CNTNAP5: variants seen among roughly 807,000 people sequenced by gnomAD.
The protein encoded by CNTNAP5 is contactin-associated protein-like 5.
In CNTNAP5, 72 loss-of-function variants were observed where a neutral mutation model predicts 150.2. The observed-to-expected ratio is 0.48, with a 90% CI of 0.40 to 0.58. CNTNAP5 has a LOEUF of 0.58. Ranked by LOEUF, CNTNAP5 falls within the 20% of genes least tolerant of loss-of-function variation. The pLI, the probability that CNTNAP5 is intolerant of heterozygous loss-of-function variation, is 0.00. For synonymous variants in CNTNAP5, 672 were observed against 619.8 expected, an observed-to-expected ratio of 1.08 and a Z score of -1.25; for missense variants, 1,636 against 1,626.2, an observed-to-expected ratio of 1.01 and a Z score of -0.10.
intron 3 of CNTNAP5, among the ~76,000 whole-genome samples, chr2:124,407,933 G>T (rs964413724): frequency 6.6e-6 from 1 of 152,268 alleles, no homozygotes; most frequent in African/African-American, 2.4e-5. Context: ...CGTGAGCGAC[G>T]CAGAAGATGG....
At chr2:124,817,526 T>A (rs940368498) in intron 19 of CNTNAP5, among the ~76,000 whole-genome samples, 1 of 152,206 alleles carries the variant, frequency 6.6e-6, no homozygotes, top group African/African-American at 2.4e-5. Context: ...TTGGTCTTGA[T>A]GATGTTTAAG....
intron 21 of CNTNAP5, among the ~76,000 whole-genome samples, chr2:124,896,146 G>A (rs1275164293): frequency 1.3e-5 from 2 of 151,586 alleles, no homozygotes; most frequent in East Asian, 3.9e-4. Flanking sequence ...AAATATTAAT[G>A]AAGTTCTAAT....
rs1311450943 is a variant in CNTNAP5 at position 124,803,192 on chromosome 2, C to T, written c.3217+4872C>T. On this transcript the variant is annotated intron_variant, in intron 19 of 23. Transcript: ENST00000682447. ...AATGTCATCGATGCTAGGTAGAAGT[C>T]TGTTCTAGGTAGAATGAGTTAAAGA... 2.0e-5 allele frequency among the ~76,000 whole-genome samples: 3 copies of T among 151,630 alleles called. No individual in the cohort carries two copies. The East Asian group carries it at 5.8e-4, about 30-fold the overall frequency.
chr2:124,118,176 G>A (rs1377667758), intron 1 of CNTNAP5, among the ~76,000 whole-genome samples: 2 of 151,842 alleles, frequency 1.3e-5, no homozygotes, highest in Non-Finnish European at 2.9e-5. Context: ...TAGAATATAT[G>A]TATATATCTT....
At chr2:124,532,572 C>G (rs2104896261) in intron 10 of CNTNAP5, among the ~76,000 whole-genome samples, 1 of 152,168 alleles carries the variant, frequency 6.6e-6, no homozygotes, top group Non-Finnish European at 1.5e-5. Flanking sequence ...AACAGGGATG[C>G]TGATGAGGAA....
intron 1 of CNTNAP5, among the ~76,000 whole-genome samples, chr2:124,119,836 G>A (rs537516854): frequency 3.3e-5 from 5 of 152,292 alleles, no homozygotes; most frequent in Middle Eastern, 3.4e-3. Flanking sequence ...TGAACAGAAA[G>A]GAAAGGAAGA....
chr2:124,688,510 A>G (rs1679237887), intron 13 of CNTNAP5, among the ~76,000 whole-genome samples: 1 of 152,156 alleles, frequency 6.6e-6, no homozygotes, highest in Non-Finnish European at 1.5e-5. Flanking sequence ...GGAGTGAGTC[A>G]GATAGAATGA....
At chr2:124,447,441 A>C (rs2968541) in intron 6 of CNTNAP5, among the ~76,000 whole-genome samples, 149,105 of 152,276 alleles carry the variant, frequency 0.98, 73,083 homozygotes, top group East Asian at 1. Flanking sequence ...CAGTGAAATG[A>C]ACCAGTTCAA....
intron 1 of CNTNAP5, among the ~76,000 whole-genome samples, chr2:124,194,412 AATAT>A (rs1326280575): frequency 0.076 from 530 of 7,000 alleles, 9 homozygotes; most frequent in African/African-American, 0.12. Context: ...TATATATATA[AATAT>A]AAATAGGTGT....
chr2:124,729,424 A>G (rs2105125338), intron 13 of CNTNAP5, among the ~76,000 whole-genome samples: 1 of 152,142 alleles, frequency 6.6e-6, no homozygotes, highest in East Asian at 1.9e-4. Context: ...TATCCTTGTC[A>G]TATGTTCAAT....
At chr2:124,912,568 A>G (rs960862132) in intron 23 of CNTNAP5, among the ~76,000 whole-genome samples, 1 of 152,120 alleles carries the variant, frequency 6.6e-6, no homozygotes. Flanking sequence ...GGAAGTTCCT[A>G]AAACTTCTGA....
chr2:124,165,639 G>A (rs1266296536), intron 1 of CNTNAP5, among the ~76,000 whole-genome samples: 1 of 152,108 alleles, frequency 6.6e-6, no homozygotes, highest in African/African-American at 2.4e-5. Context: ...TCACATCAAA[G>A]ACCAAGTTTC....
chr2:124,855,090 A>G (rs1007120633), intron 19 of CNTNAP5, among the ~76,000 whole-genome samples: 1 of 152,060 alleles, frequency 6.6e-6, no homozygotes, highest in African/African-American at 2.4e-5. Context: ...TAAAGTTGGA[A>G]AGGTAAGAAA....
chr2:124,904,536 A>G (rs945243831), intron 22 of CNTNAP5, among the ~76,000 whole-genome samples: 1 of 152,146 alleles, frequency 6.6e-6, no homozygotes, highest in Non-Finnish European at 1.5e-5. Context: ...AGACACATAG[A>G]CTAATAGAAT....
chr2:124,122,794 C>CACACA (rs1558764219), intron 1 of CNTNAP5, among the ~76,000 whole-genome samples: 252 of 128,976 alleles, frequency 2.0e-3, no homozygotes, highest in Non-Finnish European at 3.2e-3. Context: ...ACACACACAC[C>CACACA]CACACCTTTT....
At chr2:124,362,234 G>A (rs923769217) in intron 3 of CNTNAP5, among the ~76,000 whole-genome samples, 2 of 152,320 alleles carry the variant, frequency 1.3e-5, no homozygotes, top group Admixed American at 6.5e-5. Flanking sequence ...AGATGAACCC[G>A]GTACGTCACA....
chr2:124,197,247 G>C (rs1047241780), intron 1 of CNTNAP5, among the ~76,000 whole-genome samples: 1 of 152,032 alleles, frequency 6.6e-6, no homozygotes, highest in Non-Finnish European at 1.5e-5. Flanking sequence ...TTTGCAGATC[G>C]CATATCCTGT....
At chr2:124,099,817 T>C (rs1253417723) in intron 1 of CNTNAP5, among the ~76,000 whole-genome samples, 3 of 151,948 alleles carry the variant, frequency 2.0e-5, no homozygotes, top group African/African-American at 4.8e-5. Flanking sequence ...TGCCACACAC[T>C]TTTCAAAAAC....
chr2:124,764,157 C>G lies in CNTNAP5; in HGVS notation c.2533+10C>G. ...CGACTCGAAATAAGCTGTAAGTGCCCTCAATTATGAATTTAATGTAACTGA... is the reference window on the plus strand; with the variant it reads ...CGACTCGAAATAAGCTGTAAGTGCCGTCAATTATGAATTTAATGTAACTGA... On this transcript the variant is annotated intron_variant, in intron 16 of 23. Transcript: ENST00000682447. The G allele has an allele frequency of 6.2e-7, 1 of 1,606,314 alleles. No homozygotes were observed. Among genetic ancestry groups the G allele is most frequent in the Non-Finnish European group, 8.5e-7 (1 of 1,173,970 alleles).
Sources: gnomAD v4.1 joint callset for allele counts (sites outside exome capture counted in the v4.1 genomes callset) on GRCh38, gnomAD v4.1.1 for gene constraint, MANE v1.5 for transcripts, NCBI Gene and HGNC (gene_info 2026-07-23, HGNC 2026-07-21) for gene names.